RPIA: variants seen among roughly 807,000 people sequenced by gnomAD.
RPIA encodes ribose-5-phosphate isomerase.
RPIA carries 29 observed loss-of-function variants against 37.8 expected under a neutral mutation model. The ratio of observed to expected loss-of-function variants is 0.77; its 90% CI spans 0.57 to 1.05. The LOEUF (loss-of-function observed/expected upper bound fraction) is 1.05. Ranked by LOEUF, RPIA falls within the 50% of genes least tolerant of loss-of-function variation. The probability of loss-of-function intolerance (pLI) is 0.00; values close to 1 mark genes in which losing one functional copy is unlikely to be tolerated. For missense variants in RPIA, 385 were observed against 413.6 expected (o/e 0.93, Z 0.60); for synonymous variants, 167 against 157.0 (o/e 1.06, Z -0.48).
intron 1 of RPIA, among the ~76,000 whole-genome samples, chr2:88,695,808 A>T (rs1369103052): frequency 6.6e-6 from 1 of 152,236 alleles, no homozygotes; most frequent in Non-Finnish European, 1.5e-5. Context: ...GTGAGCTAGT[A>T]AAAGCAGTTT....
intron 3 of RPIA, among the ~76,000 whole-genome samples, chr2:88,728,536 T>C (rs183916778): frequency 6.6e-6 from 1 of 152,338 alleles, no homozygotes; most frequent in East Asian, 1.9e-4. Flanking sequence ...AGCAATGACA[T>C]GAACATAAAC....
At chr2:88,694,990 A>AAAAAAAAAG (rs1553418580) in intron 1 of RPIA, among the ~76,000 whole-genome samples, 7 of 151,466 alleles carry the variant, frequency 4.6e-5, no homozygotes, top group African/African-American at 1.7e-4. Context: ...AAAAAAAAAA[A>AAAAAAAAAG]AAAAAGAAAA....
At chr2:88,697,666 T>C (rs1451459774) in intron 1 of RPIA, among the ~76,000 whole-genome samples, 1 of 152,242 alleles carries the variant, frequency 6.6e-6, no homozygotes, top group Non-Finnish European at 1.5e-5. Context: ...GCCTGTACTT[T>C]GTACTCAGGA....
chr2:88,714,209 C>T lies in RPIA; in HGVS notation c.402+14145C>T, dbSNP rs865869937. On this transcript the variant is annotated intron_variant, in intron 3 of 8. Transcript: ENST00000283646. Reference sequence around the variant, plus strand: ...TTTTTTAGATGGAGTTTCACTCTGTCGCCCAGGATGGAGTGCAGTGGCGCG... The same window carrying T: ...TTTTTTAGATGGAGTTTCACTCTGTTGCCCAGGATGGAGTGCAGTGGCGCG... Among the ~76,000 whole-genome samples, 16 of 151,174 alleles carry T rather than the reference C, an allele frequency of 1.1e-4. No homozygotes were observed. The Middle Eastern group carries it at 0.014, about 129-fold the overall frequency.
intron 3 of RPIA, among the ~76,000 whole-genome samples, chr2:88,715,302 G>C (rs1311078827): frequency 2.0e-5 from 3 of 152,132 alleles, no homozygotes; most frequent in Non-Finnish European, 2.9e-5. Flanking sequence ...GTTCCTCTTC[G>C]GGGGGAAGGG....
intron 3 of RPIA, among the ~76,000 whole-genome samples, chr2:88,702,753 A>G (rs745834481): frequency 2.0e-5 from 3 of 152,348 alleles, no homozygotes; most frequent in Admixed American, 6.5e-5. Context: ...CTTGCATTTC[A>G]AAACCAATTA....
chr2:88,712,318 G>A (rs573937809), intron 3 of RPIA, among the ~76,000 whole-genome samples: 1 of 152,302 alleles, frequency 6.6e-6, no homozygotes, highest in South Asian at 2.1e-4. Flanking sequence ...TGAAATGTTT[G>A]GCAAATTCCA....
chr2:88,738,241 C>T (rs572767402), intron 8 of RPIA, among the ~76,000 whole-genome samples, 165 bp downstream of exon 8: 6 of 152,214 alleles, frequency 3.9e-5, no homozygotes, highest in Admixed American at 2.0e-4. Context: ...CCTCCTTTGC[C>T]GTATTCCCTT....
chr2:88,744,001 T>C (rs191900845), intron 8 of RPIA, among the ~76,000 whole-genome samples: 141 of 152,304 alleles, frequency 9.3e-4, no homozygotes, highest in Middle Eastern at 3.4e-3. Flanking sequence ...TTTGTTTCAA[T>C]TTCATTTAGT....
At chr2:88,699,984 G>GCCAATATGGCTTTTGTTT (rs749480624) in intron 2 of RPIA, 25 bp from the exon 3 acceptor site, 51 of 1,613,378 alleles carry the variant, frequency 3.2e-5, no homozygotes, top group Non-Finnish European at 8.5e-7. Flanking sequence ...GTGAAAAACT[G>GCCAATATGGCTTTTGTTT]CCAATATGGC....
chr2:88,725,369 G>C (rs1165946275), intron 3 of RPIA, among the ~76,000 whole-genome samples: 1 of 151,768 alleles, frequency 6.6e-6, no homozygotes, highest in Non-Finnish European at 1.5e-5. Context: ...GAAATGTGTT[G>C]TCTCAGAGTT....
At position 88,705,497 on chromosome 2, in the gene RPIA, GC is replaced by G. The variant is rs201723683; in HGVS notation, c.402+5434del. ...TTAATAAATGGTGCCAGGAGAACTG[GC>G]TAACCATATGCAAAAATTGAAACTG... On this transcript the variant is annotated intron_variant, in intron 3 of 8. Transcript: ENST00000283646. Among the ~76,000 whole-genome samples, 82 of 152,256 alleles carry G rather than the reference GC, an allele frequency of 5.4e-4. 2 individuals carry two copies. In the East Asian group the frequency reaches 0.013, roughly 25 times the overall value.
intron 3 of RPIA, among the ~76,000 whole-genome samples, chr2:88,703,844 A>G (rs1020833559): frequency 3.3e-5 from 5 of 152,012 alleles, no homozygotes; most frequent in African/African-American, 9.7e-5. Context: ...AAACTTTTAT[A>G]CTCTGTTTCC....
intron 1 of RPIA, among the ~76,000 whole-genome samples, chr2:88,695,420 T>C (rs531288462): frequency 1.3e-5 from 2 of 152,228 alleles, no homozygotes; most frequent in East Asian, 3.9e-4. Context: ...TGCTGCAGAG[T>C]AGATTGCTTG....
chr2:88,692,918 G>A (rs1233780620), intron 1 of RPIA, among the ~76,000 whole-genome samples: 1 of 152,198 alleles, frequency 6.6e-6, no homozygotes, highest in African/African-American at 2.4e-5. Context: ...GGACAATGTG[G>A]TAACCTGTGG....
At chr2:88,744,932 G>A (rs1392784043) in intron 8 of RPIA, among the ~76,000 whole-genome samples, 2 of 152,068 alleles carry the variant, frequency 1.3e-5, no homozygotes, top group Admixed American at 1.3e-4. Context: ...CATGGTTGGT[G>A]GATTTTTATG....
intron 3 of RPIA, among the ~76,000 whole-genome samples, chr2:88,726,140 C>A (rs953618724): frequency 4.6e-5 from 7 of 151,950 alleles, no homozygotes; most frequent in Admixed American, 6.6e-5. Context: ...TCACAGTGGG[C>A]CCCCCAGCTG....
intron 3 of RPIA, among the ~76,000 whole-genome samples, chr2:88,705,702 A>G (rs1202246170): frequency 6.6e-6 from 1 of 152,236 alleles, no homozygotes; most frequent in Non-Finnish European, 1.5e-5. Context: ...AAAAACCAAT[A>G]TTGACAAATG....
chr2:88,735,988 G>T (rs113499565), intron 6 of RPIA, among the ~76,000 whole-genome samples: 1 of 152,006 alleles, frequency 6.6e-6, no homozygotes, highest in Non-Finnish European at 1.5e-5. Context: ...TCAGTGGAAC[G>T]GGGAAACAGC....
Sources: gnomAD v4.1 joint callset for allele counts (sites outside exome capture counted in the v4.1 genomes callset) on GRCh38, gnomAD v4.1.1 for gene constraint, MANE v1.5 for transcripts, NCBI Gene and HGNC (gene_info 2026-07-23, HGNC 2026-07-21) for gene names.